RETREG1: variants seen among roughly 807,000 people sequenced by gnomAD.
The protein encoded by RETREG1 is family with sequence similarity 134 member B.
In RETREG1, 44 loss-of-function variants were observed where a neutral mutation model predicts 54.8. The ratio of observed to expected loss-of-function variants is 0.80; its 90% CI spans 0.63 to 1.03. RETREG1 has a LOEUF of 1.03. Among genes scored for constraint, RETREG1 ranks in the 50% least tolerant of loss-of-function variants. The pLI, the probability that RETREG1 is intolerant of heterozygous loss-of-function variation, is 0.00. For missense variants in RETREG1, 554 were observed against 605.1 expected, an observed-to-expected ratio of 0.92 and a Z score of 0.89; for synonymous variants, 217 against 238.5, an observed-to-expected ratio of 0.91 and a Z score of 0.83.
At chr5:16,581,523 C>T (rs1742473893) in intron 1 of RETREG1, among the ~76,000 whole-genome samples, 1 of 43,114 alleles carries the variant, frequency 2.3e-5, no homozygotes, top group African/African-American at 9.4e-5. Flanking sequence ...AGTTCAGAAA[C>T]ACAACACACA....
At chr5:16,560,416 C>T (rs1400252897) in intron 3 of RETREG1, among the ~76,000 whole-genome samples, 1 of 152,094 alleles carries the variant, frequency 6.6e-6, no homozygotes, top group African/African-American at 2.4e-5. Context: ...GTGAATGGCC[C>T]ACTATTTGAT....
At chr5:16,608,664 T>C (rs944306751) in intron 1 of RETREG1, among the ~76,000 whole-genome samples, 3 of 152,138 alleles carry the variant, frequency 2.0e-5, no homozygotes, top group Non-Finnish European at 2.9e-5. Context: ...ACTGGGCTTC[T>C]GGTATACCCC....
At chr5:16,586,905 A>G (rs780769768) in intron 1 of RETREG1, among the ~76,000 whole-genome samples, 9 of 152,200 alleles carry the variant, frequency 5.9e-5, no homozygotes, top group Non-Finnish European at 1.2e-4. Flanking sequence ...TCTGATTCAG[A>G]GATGGCAACT....
In RETREG1 at chr5:16,475,128, C is replaced by T. The variant is rs1321800617; in HGVS notation, c.1107G>A (p.Leu369=). The change falls in exon 9 of 9, where the codon TTG becomes TTA. Residue 369 remains leucine (L), a synonymous_variant. Transcript: ENST00000306320. ...CCTTCTTTCTCTTGAGCTCAGTGGG[C>T]AAACCAAGGCTTAATTCATCTTCAT... ...TNDEDELSLG[L]PTELKRKKEQ... 6.2e-7 allele frequency: 1 copy of T among 1,613,822 alleles called. No homozygotes were observed. The highest frequency in any genetic ancestry group is 8.5e-7 in the Non-Finnish European group (1 of 1,179,922).
chr5:16,496,617 T>G (rs1342513497), intron 3 of RETREG1, among the ~76,000 whole-genome samples: 2 of 152,132 alleles, frequency 1.3e-5, no homozygotes. Flanking sequence ...CAGAATTCCA[T>G]TACCCAAAAA....
chr5:16,551,047 T>C (rs930238102), intron 3 of RETREG1, among the ~76,000 whole-genome samples: 2 of 152,244 alleles, frequency 1.3e-5, no homozygotes, highest in Non-Finnish European at 2.9e-5. Context: ...CTTGTAAATG[T>C]ACAAAATGTC....
intron 3 of RETREG1, among the ~76,000 whole-genome samples, chr5:16,557,676 G>A (rs542354317): frequency 6.6e-6 from 1 of 152,322 alleles, no homozygotes; most frequent in East Asian, 1.9e-4. Flanking sequence ...GCCCATTTGG[G>A]TTTTGATTTT....
Position 16,474,993 on chromosome 5 carries a change from C to G in RETREG1, c.1242G>C (p.Gly414=). 1 of 1,613,298 alleles carries G rather than the reference C, an allele frequency of 6.2e-7. No individual in the cohort carries two copies. Among genetic ancestry groups the G allele is most frequent in the Non-Finnish European group, 8.5e-7 (1 of 1,179,400 alleles). Residue 414 remains glycine (G), a synonymous_variant, in exon 9 of 9, where the codon GGG becomes GGC. Coordinates refer to ENST00000306320, the MANE Select transcript of RETREG1 (RefSeq NM_001034850.3). The part of the protein sequence containing the change: ...QTFHLMSNLA[G]DVITAAVTAA... ...CAGTCACTGCAGCTGTGATAACATC[C>G]CCAGCCAGGTTGCTCATCAGGTGAA...
intron 3 of RETREG1, among the ~76,000 whole-genome samples, chr5:16,514,898 T>G (rs1325044773): frequency 1.4e-5 from 1 of 70,918 alleles, no homozygotes. Context: ...TTCCATGGCA[T>G]GCATATATAT....
At position 16,615,070 on chromosome 5, in the gene RETREG1, A is replaced by C. The variant is rs75663178; in HGVS notation, c.320+1582T>G. ...AACTTTTGCACTGTGAGACTGTATT[A>C]GTTTTTTAAAGAAATAAAATTTAAA... On this transcript the variant is annotated intron_variant, in intron 1 of 8. Coordinates refer to ENST00000306320, the MANE Select transcript of RETREG1 (RefSeq NM_001034850.3). Among the ~76,000 whole-genome samples the C allele has an allele frequency of 7.7e-3, 1,172 of 152,308 alleles. 17 individuals carry two copies. The highest frequency in any genetic ancestry group is 0.027 in the African/African-American group (1,115 of 41,566).
chr5:16,512,499 G>A (rs1170608226), intron 3 of RETREG1, among the ~76,000 whole-genome samples: 2 of 151,946 alleles, frequency 1.3e-5, no homozygotes, highest in East Asian at 1.9e-4. Flanking sequence ...CATATAGTAT[G>A]CCCTAGAAAA....
intron 3 of RETREG1, among the ~76,000 whole-genome samples, chr5:16,520,968 T>C (rs1740517021): frequency 6.6e-6 from 1 of 152,058 alleles, no homozygotes; most frequent in South Asian, 2.1e-4. Context: ...GAGAAATAAC[T>C]GCAGGAAACA....
intron 3 of RETREG1, among the ~76,000 whole-genome samples, chr5:16,528,938 A>G (rs1342811860): frequency 6.6e-6 from 1 of 152,150 alleles, no homozygotes; most frequent in Non-Finnish European, 1.5e-5. Flanking sequence ...ACATACCCTC[A>G]CCCACACGTA....
intron 3 of RETREG1, among the ~76,000 whole-genome samples, chr5:16,523,488 G>C (rs897209245): frequency 2.0e-5 from 3 of 152,128 alleles, no homozygotes; most frequent in African/African-American, 7.2e-5. Flanking sequence ...GAGTCCATGA[G>C]GTGAAGCGCC....
intron 3 of RETREG1, among the ~76,000 whole-genome samples, chr5:16,557,159 G>A (rs1006757233): frequency 1.3e-4 from 20 of 152,080 alleles, no homozygotes; most frequent in African/African-American, 7.2e-5. Flanking sequence ...AAATATATCC[G>A]TTGCTGTCCT....
intron 1 of RETREG1, among the ~76,000 whole-genome samples, chr5:16,591,534 G>A (rs1402333779): frequency 6.6e-6 from 1 of 152,166 alleles, no homozygotes; most frequent in Non-Finnish European, 1.5e-5. Context: ...AAAAGGTGAT[G>A]AGAAGTGTTA....
intron 1 of RETREG1, among the ~76,000 whole-genome samples, chr5:16,574,907 A>T: frequency 6.6e-6 from 1 of 152,152 alleles, no homozygotes; most frequent in East Asian, 1.9e-4. Context: ...TTGTTCCTCC[A>T]CTAAATTTGT....
rs1019074678 is a variant in RETREG1, at chr5:16,597,325, T to G, written c.320+19327A>C. Reference sequence around the variant, plus strand: ...CTACAGGTGAACGGCCTAAAATATCTGACACGGGATAAGTGCTCCACACCC... The same window carrying G: ...CTACAGGTGAACGGCCTAAAATATCGGACACGGGATAAGTGCTCCACACCC... On this transcript the variant is annotated intron_variant, in intron 1 of 8. Coordinates refer to ENST00000306320, the MANE Select transcript of RETREG1 (RefSeq NM_001034850.3). The surrounding 1 kb of genome is among the most constrained non-coding windows in gnomAD (Gnocchi z 4.3). Among the ~76,000 whole-genome samples the G allele has an allele frequency of 6.6e-6, 1 of 152,256 alleles. No homozygotes were observed. The highest frequency in any genetic ancestry group is 1.5e-5 in the Non-Finnish European group (1 of 68,050).
At chr5:16,555,308 C>T (rs953660186) in intron 3 of RETREG1, among the ~76,000 whole-genome samples, 1 of 152,192 alleles carries the variant, frequency 6.6e-6, no homozygotes, top group Non-Finnish European at 1.5e-5. Context: ...TGAACCAACA[C>T]ACTCGGCTAC....
Sources: gnomAD v4.1 joint callset for allele counts (sites outside exome capture counted in the v4.1 genomes callset) on GRCh38, gnomAD v4.1.1 for gene constraint, Gnocchi (gnomAD v3.1) non-coding constraint, MANE v1.5 for transcripts, NCBI Gene and HGNC (gene_info 2026-07-23, HGNC 2026-07-21) for gene names.